Variants in FAT1 observed in about 807,000 individuals in gnomAD.
FAT1 encodes protocadherin Fat 1.
A neutral mutation model predicts 329.8 loss-of-function variants in FAT1; 171 were observed. The observed-to-expected ratio is 0.52, with a 90% CI of 0.46 to 0.59. The LOEUF is 0.59. FAT1 is among the 20% of genes least tolerant of loss of function. The pLI is 0.00. For missense variants in FAT1, 5,672 were observed against 5,774.4 expected (o/e 0.98, Z 0.57); for synonymous variants, 2,233 against 2,228.6 (o/e 1.00, Z -0.06).
chr4:186,717,655 C>G (rs1034289460), intron 1 of FAT1, among the ~76,000 whole-genome samples: 1 of 152,146 alleles, frequency 6.6e-6, no homozygotes, highest in African/African-American at 2.4e-5. Context: ...TTTCAAACAG[C>G]CTCTATATAA....
At chr4:186,641,576 T>C (rs1182085804) in intron 3 of FAT1, among the ~76,000 whole-genome samples, 2 of 152,110 alleles carry the variant, frequency 1.3e-5, no homozygotes, top group African/African-American at 4.8e-5. Context: ...GAAAACAGTA[T>C]TCTTCTGCAG....
At chr4:186,654,788 G>C (rs1741826433) in intron 3 of FAT1, among the ~76,000 whole-genome samples, 1 of 152,098 alleles carries the variant, frequency 6.6e-6, no homozygotes, top group African/African-American at 2.4e-5. Context: ...GTGCAGGTCT[G>C]TGATCCCAGC....
At chr4:186,642,263 G>A (rs1741134790) in intron 3 of FAT1, among the ~76,000 whole-genome samples, 1 of 152,090 alleles carries the variant, frequency 6.6e-6, no homozygotes, top group Non-Finnish European at 1.5e-5. Context: ...GCCTGGCGTG[G>A]GTTCCTGCTG....
At chr4:186,666,259 C>T (rs554787496) in intron 2 of FAT1, among the ~76,000 whole-genome samples, 19 of 152,090 alleles carry the variant, frequency 1.2e-4, no homozygotes, top group Non-Finnish European at 2.8e-4. Flanking sequence ...TTCCTCCGTA[C>T]AGCAGACAAC....
chr4:186,690,258 T>C (rs932445057), intron 2 of FAT1, among the ~76,000 whole-genome samples: 5 of 152,060 alleles, frequency 3.3e-5, no homozygotes, highest in Admixed American at 6.6e-5. Context: ...CTTAGGACAG[T>C]TGAGGAAGTA....
chr4:186,644,168 G>A (rs1009259593), intron 3 of FAT1, among the ~76,000 whole-genome samples: 24 of 152,030 alleles, frequency 1.6e-4, no homozygotes, highest in African/African-American at 4.1e-4. Context: ...ACCTGACTGC[G>A]TAATTTGCTG....
At chr4:186,612,351 G>A (rs1183222827) in intron 13 of FAT1, among the ~76,000 whole-genome samples, 2 of 152,036 alleles carry the variant, frequency 1.3e-5, no homozygotes, top group Non-Finnish European at 2.9e-5. Context: ...GAGCTTTGGT[G>A]ACAAAGATCT....
intron 20 of FAT1, among the ~76,000 whole-genome samples, chr4:186,602,356 C>T (rs1280105): frequency 0.13 from 19,612 of 151,930 alleles, 2,337 homozygotes; most frequent in African/African-American, 0.31. Context: ...ATCTATACAC[C>T]GTATAGAAAT....
upstream of FAT1, among the ~76,000 whole-genome samples, chr4:186,725,536 T>C (rs1325242879): frequency 6.6e-6 from 1 of 151,770 alleles, no homozygotes; most frequent in Non-Finnish European, 1.5e-5. This position sits in a 1 kb window ranked among gnomAD's most constrained non-coding sequence, Gnocchi z 5.4. Flanking sequence ...CTGAGAAATC[T>C]ATCTGCCTGG....
chr4:186,618,005 C>A lies in FAT1; in HGVS notation c.8581G>T (p.Ala2861Ser). ...SQSVEVIESFAINMETGWITT... is the reference protein window; with the variant it reads ...SQSVEVIESFSINMETGWITT... Reference sequence around the variant, plus strand: ...ATCCAGCCTGTTTCCATGTTAATGGCAAAGGATTCAATGACTTCCACACTT... The same window carrying A: ...ATCCAGCCTGTTTCCATGTTAATGGAAAAGGATTCAATGACTTCCACACTT... Residue 2861 changes from alanine to serine, a missense_variant, in exon 10 of 27, where the codon GCC becomes TCC. Physicochemically the swap from Ala to Ser is moderately conservative, Grantham distance 99. Around this residue, in one of 2 missense-constraint regions of FAT1, gnomAD observed 3,966 missense variants for 3,915.2 expected, o/e 1.01. Coordinates refer to ENST00000441802, the MANE Select transcript of FAT1 (RefSeq NM_005245.4). The A allele has an allele frequency of 6.2e-7, 1 of 1,614,012 alleles. No homozygotes were observed. The highest frequency in any genetic ancestry group is 8.5e-7 in the Non-Finnish European group (1 of 1,179,886).
chr4:186,672,327 CCAAT>C (rs1170363703), intron 2 of FAT1, among the ~76,000 whole-genome samples: 6 of 152,102 alleles, frequency 3.9e-5, no homozygotes, highest in Non-Finnish European at 5.9e-5. Flanking sequence ...CCCTCGTGGG[CCAAT>C]CAAACTGCTA....
rs200130748 is a variant in FAT1 at position 186,706,505 on chromosome 4, T to TA, written c.3265+57dup. 0.033 allele frequency: 45,197 copies of TA among 1,388,290 alleles called. 49 individuals are homozygous for TA. The highest frequency in any genetic ancestry group is 0.058 in the African/African-American group (3,764 of 64,974). 86.0% of individuals were successfully genotyped at this position (1,388,290 alleles called of 1,614,324 possible). ...AAGAAGCTGCCACAGGGCAGATGGT[T>TA]AAAAAAAAAAAAAAAATGGAAAAGG... On this transcript the variant is annotated intron_variant, in intron 2 of 26. Transcript: ENST00000441802.
intron 2 of FAT1, among the ~76,000 whole-genome samples, chr4:186,678,355 G>A (rs1307292781): frequency 2.0e-5 from 3 of 151,452 alleles, no homozygotes; most frequent in South Asian, 4.2e-4. Context: ...GGTAATCCCA[G>A]CACTTTGTAA....
intron 1 of FAT1, among the ~76,000 whole-genome samples, chr4:186,715,275 C>A (rs1745160170): frequency 6.6e-6 from 1 of 151,918 alleles, no homozygotes; most frequent in Admixed American, 6.6e-5. Context: ...CACTCATCCC[C>A]AACTGGATTC....
At position 186,588,360 on chromosome 4, in the gene FAT1, C is replaced by T. The variant is rs188647368; in HGVS notation, c.*232G>A. Reference sequence around the variant, plus strand: ...TTTCGTTTGATTATTTTAACACAGACAGATGTAAATCCCAAAAGACGTTGG... The same window carrying T: ...TTTCGTTTGATTATTTTAACACAGATAGATGTAAATCCCAAAAGACGTTGG... On this transcript the variant is annotated 3_prime_UTR_variant, in exon 27 of 27. Coordinates refer to ENST00000441802, the MANE Select transcript of FAT1 (RefSeq NM_005245.4). 23 of 516,566 alleles carry T rather than the reference C, an allele frequency of 4.5e-5. No homozygotes were observed. In the East Asian group the frequency reaches 6.6e-4, roughly 15 times the overall value. The allele number at this position is 516,566 out of a possible 1,614,324, so 32.0% of individuals were successfully genotyped here.
At chr4:186,665,817 A>C (rs1742410594) in intron 2 of FAT1, among the ~76,000 whole-genome samples, 1 of 152,118 alleles carries the variant, frequency 6.6e-6, no homozygotes, top group African/African-American at 2.4e-5. Flanking sequence ...CCGGATTAAG[A>C]AAATGTGGCA....
Position 186,707,804 on chromosome 4 carries a change from TCA to T in FAT1, c.2022_2023del (p.Cys674Ter), listed in dbSNP as rs1744710148. 1 of 1,613,602 alleles carries T rather than the reference TCA, an allele frequency of 6.2e-7. No homozygotes were observed. The highest frequency in any genetic ancestry group is 1.3e-5 in the African/African-American group (1 of 74,932). ...CAGCATTTTGGCAACACCAGTCTCT[TCA>T]CACTGCAAGTTTACCAGCTTGTGAC... On this transcript the variant is annotated stop_gained and frameshift_variant, in exon 2 of 27. Coordinates refer to ENST00000441802, the MANE Select transcript of FAT1 (RefSeq NM_005245.4). LOFTEE classifies it high-confidence loss of function.
At chr4:186,599,198 T>C (rs111997069) in intron 22 of FAT1, among the ~76,000 whole-genome samples, 1,722 of 152,298 alleles carry the variant, frequency 0.011, 35 homozygotes, top group African/African-American at 0.04. Flanking sequence ...CCTGGCCCAC[T>C]CTACGCACAC....
In FAT1 at chr4:186,601,748, T is replaced by C. The variant is rs114916565; in HGVS notation, c.11483-322A>G. ...TAGTTATACATAGCCTCAAGGTGATTTAAGAAACCTTCTCAAGCAAAATAA... is the reference window on the plus strand; with the variant it reads ...TAGTTATACATAGCCTCAAGGTGATCTAAGAAACCTTCTCAAGCAAAATAA... On this transcript the variant is annotated intron_variant, in intron 20 of 26. Transcript: ENST00000441802. The C allele has an allele frequency of 6.8e-3, 1,274 of 187,776 alleles. 21 individuals are homozygous for C. The highest frequency in any genetic ancestry group is 0.028 in the African/African-American group (1,196 of 43,028). The allele number at this position is 187,776 out of a possible 1,614,324, so 11.6% of individuals were successfully genotyped here.
Sources: gnomAD v4.1 joint callset for allele counts (sites outside exome capture counted in the v4.1 genomes callset) on GRCh38, gnomAD v4.1.1 for gene constraint, gnomAD v4.1.1 regional missense constraint, Gnocchi (gnomAD v3.1) non-coding constraint, MANE v1.5 for transcripts, NCBI Gene and HGNC (gene_info 2026-07-23, HGNC 2026-07-21) for gene names.